The following LUZP2 variants were observed in gnomAD, a reference collection of about 807,000 sequenced individuals.
The protein encoded by LUZP2 is leucine zipper protein 2.
A neutral mutation model predicts 51.6 loss-of-function variants in LUZP2; 52 were observed. That is an observed-to-expected ratio of 1.01 (90% CI 0.81 to 1.27). The LOEUF is 1.27. LUZP2 is among the 50% of genes most tolerant of loss of function. The pLI is 0.00. For synonymous variants in LUZP2, 154 were observed against 137.3 expected, an observed-to-expected ratio of 1.12 and a Z score of -0.85; for missense variants, 436 against 395.4, an observed-to-expected ratio of 1.10 and a Z score of -0.87.
intron 1 of LUZP2, among the ~76,000 whole-genome samples, chr11:24,653,781 C>G (rs187353994): frequency 1.3e-5 from 2 of 151,990 alleles, no homozygotes; most frequent in African/African-American, 4.8e-5. Flanking sequence ...AGAAGGCAAG[C>G]GAAGAGTTTC....
chr11:24,604,937 T>C (rs1471756081), intron 1 of LUZP2, among the ~76,000 whole-genome samples: 1 of 151,828 alleles, frequency 6.6e-6, no homozygotes, highest in African/African-American at 2.4e-5. Context: ...TAGTTATCTC[T>C]TTTGTGGGGA....
chr11:24,826,190 A>AAAAAAT (rs1215786412), intron 5 of LUZP2, among the ~76,000 whole-genome samples: 12 of 67,538 alleles, frequency 1.8e-4, no homozygotes, highest in South Asian at 1.1e-3. Flanking sequence ...AAAAAAAAAA[A>AAAAAAT]ATATATATAT....
At chr11:24,960,167 G>T (rs1855348417) in intron 7 of LUZP2, among the ~76,000 whole-genome samples, 1 of 152,074 alleles carries the variant, frequency 6.6e-6, no homozygotes, top group Non-Finnish European at 1.5e-5. Context: ...TTTTATTGAG[G>T]ATTTTTGCAT....
chr11:24,672,684 G>A (rs1856435420), intron 1 of LUZP2, among the ~76,000 whole-genome samples: 1 of 152,152 alleles, frequency 6.6e-6, no homozygotes, highest in Admixed American at 6.5e-5. Flanking sequence ...TCGTCCTTGT[G>A]CAAAAATCAT....
intron 7 of LUZP2, among the ~76,000 whole-genome samples, chr11:24,949,678 A>G (rs1855019047): frequency 6.6e-6 from 1 of 151,696 alleles, no homozygotes; most frequent in South Asian, 2.1e-4. Context: ...AATTTTATAC[A>G]TGGATATTTC....
intron 1 of LUZP2, among the ~76,000 whole-genome samples, chr11:24,506,432 G>A (rs957321511): frequency 3.9e-5 from 6 of 152,106 alleles, no homozygotes; most frequent in African/African-American, 1.2e-4. Flanking sequence ...ATGGGCAGAA[G>A]CAGCTTTATA....
At chr11:24,986,537 C>CTGTG (rs61367765) in intron 9 of LUZP2, among the ~76,000 whole-genome samples, 2,761 of 145,650 alleles carry the variant, frequency 0.019, 57 homozygotes, top group East Asian at 0.11. Flanking sequence ...TAGCATGCCT[C>CTGTG]TGTGTGTGTG....
chr11:25,058,874 A>G (rs905369443), intron 10 of LUZP2, among the ~76,000 whole-genome samples: 1 of 152,226 alleles, frequency 6.6e-6, no homozygotes, highest in Non-Finnish European at 1.5e-5. Context: ...AACCAGCACT[A>G]AAACATTGTT....
At chr11:24,865,186 G>A (rs1472877570) in intron 5 of LUZP2, among the ~76,000 whole-genome samples, 3 of 152,058 alleles carry the variant, frequency 2.0e-5, no homozygotes, top group African/African-American at 7.2e-5. Context: ...CTACTTTTTT[G>A]GCTTCAAAAA....
At chr11:24,861,156 T>G (rs1179122957) in intron 5 of LUZP2, among the ~76,000 whole-genome samples, 3 of 152,264 alleles carry the variant, frequency 2.0e-5, no homozygotes, top group Admixed American at 2.0e-4. Flanking sequence ...TCGTGAAGCA[T>G]ATACAAGTAT....
chr11:24,917,184 G>GT (rs1263606031), intron 7 of LUZP2, among the ~76,000 whole-genome samples: 2 of 152,090 alleles, frequency 1.3e-5, no homozygotes, highest in South Asian at 2.1e-4. Flanking sequence ...GGGGTTGTTT[G>GT]TTTTTTTCTT....
intron 1 of LUZP2, among the ~76,000 whole-genome samples, chr11:24,669,815 A>T (rs1856343666): frequency 6.6e-6 from 1 of 152,012 alleles, no homozygotes; most frequent in African/African-American, 2.4e-5. Flanking sequence ...TTAGGTCATG[A>T]ATCTTAAAAA....
intron 9 of LUZP2, among the ~76,000 whole-genome samples, chr11:25,032,159 C>T (rs770052829): frequency 6.6e-6 from 1 of 152,100 alleles, no homozygotes; most frequent in African/African-American, 2.4e-5. Context: ...TCCTCCCTAG[C>T]GCCTCCAGAA....
intron 5 of LUZP2, among the ~76,000 whole-genome samples, chr11:24,781,138 G>A (rs1849077227): frequency 6.6e-6 from 1 of 151,964 alleles, no homozygotes; most frequent in Admixed American, 6.6e-5. Context: ...GACTTAAACT[G>A]ACTACCTCTT....
rs996193387 is a variant in LUZP2, at chr11:24,729,751, A to C, written c.180+465A>C. On this transcript the variant is annotated intron_variant, in intron 2 of 11. Coordinates refer to ENST00000336930, the MANE Select transcript of LUZP2 (RefSeq NM_001009909.4). ...CTTAACATACTGAAATCTTTAAAAA[A>C]TTCTACATAGGGTAAAAATAGTTTC... Among the ~76,000 whole-genome samples the C allele has an allele frequency of 1.2e-4, 19 of 152,096 alleles. 2 individuals carry two copies. The South Asian group carries it at 3.5e-3, about 28-fold the overall frequency.
At chr11:24,517,678 T>G (rs902886205) in intron 1 of LUZP2, among the ~76,000 whole-genome samples, 10 of 151,968 alleles carry the variant, frequency 6.6e-5, no homozygotes, top group Non-Finnish European at 1.2e-4. Flanking sequence ...ATCCATAGTT[T>G]GCTTTCTTAA....
At chr11:24,747,040 T>C (rs963851680) in intron 4 of LUZP2, among the ~76,000 whole-genome samples, 1 of 152,170 alleles carries the variant, frequency 6.6e-6, no homozygotes, top group Non-Finnish European at 1.5e-5. Flanking sequence ...ACCGCCTGAA[T>C]TCTTTTTCAG....
intron 5 of LUZP2, among the ~76,000 whole-genome samples, chr11:24,903,597 T>C (rs569692251): frequency 5.9e-5 from 9 of 152,124 alleles, no homozygotes; most frequent in South Asian, 4.1e-4. Context: ...CTTGGAGTTA[T>C]TGCGTATAAT....
chr11:24,934,229 C>G (rs1854533593), intron 7 of LUZP2, among the ~76,000 whole-genome samples: 1 of 152,186 alleles, frequency 6.6e-6, no homozygotes, highest in Admixed American at 6.5e-5. Flanking sequence ...TATACACATG[C>G]AGGTCACAAG....
Sources: gnomAD v4.1 joint callset for allele counts (sites outside exome capture counted in the v4.1 genomes callset) on GRCh38, gnomAD v4.1.1 for gene constraint, MANE v1.5 for transcripts, NCBI Gene and HGNC (gene_info 2026-07-23, HGNC 2026-07-21) for gene names.